ATP6V1A: variants seen among roughly 807,000 people sequenced by gnomAD.
ATP6V1A encodes the protein V-type proton ATPase catalytic subunit A.
ATP6V1A carries 18 observed loss-of-function variants against 70.1 expected under a neutral mutation model. The ratio of observed to expected loss-of-function variants is 0.26; its 90% CI spans 0.18 to 0.38. The LOEUF is 0.38. Among genes scored for constraint, ATP6V1A ranks in the 10% least tolerant of loss-of-function variants. ATP6V1A has a pLI of 1.00. For synonymous variants in ATP6V1A, 232 were observed against 253.8 expected (o/e 0.91, Z 0.82); for missense variants, 424 against 772.4 (o/e 0.55, Z 5.35).
At chr3:113,784,945 A>C (rs1709021405) in intron 5 of ATP6V1A, 112 bp downstream of exon 5, 1 of 1,157,444 alleles carries the variant, frequency 8.6e-7, no homozygotes, top group Non-Finnish European at 1.2e-6. Context: ...ATAAGTTTTG[A>C]GTAACTCCTA....
intron 1 of ATP6V1A, among the ~76,000 whole-genome samples, chr3:113,766,029 ATCT>A (rs1303650199): frequency 6.6e-6 from 1 of 151,934 alleles, no homozygotes; most frequent in Non-Finnish European, 1.5e-5. Context: ...CCTTTTTTTC[ATCT>A]TCTCCCTTGT....
Position 113,810,433 on chromosome 3 carries a change from G to A in ATP6V1A, c.*1006G>A, listed in dbSNP as rs927663492. 3.9e-5 allele frequency: 6 copies of A among 151,936 alleles called. No individual in the cohort carries two copies. The highest frequency in any genetic ancestry group is 1.2e-4 in the African/African-American group (5 of 41,336). 9.4% of individuals were successfully genotyped at this position (151,936 alleles called of 1,614,324 possible). A position where few individuals can be genotyped will look rare whatever the true frequency, so the allele number is the denominator to read the frequency against. ...AAAAAAGAGAAAAAAAAAATCAGGC[G>A]GTCAAACTTAGAGCAACATTGTCTT... On this transcript the variant is annotated 3_prime_UTR_variant, in exon 15 of 15. Coordinates refer to ENST00000273398, the MANE Select transcript of ATP6V1A (RefSeq NM_001690.4).
At chr3:113,803,731 TGAA>T in intron 13 of ATP6V1A, 54 bp downstream of exon 13, 1 of 1,419,210 alleles carries the variant, frequency 7.0e-7, no homozygotes, top group South Asian at 1.2e-5. Flanking sequence ...TGTGTTTTGG[TGAA>T]GGAGTACACA....
intron 1 of ATP6V1A, among the ~76,000 whole-genome samples, chr3:113,770,499 G>A (rs1010678566): frequency 4.6e-5 from 7 of 151,920 alleles, no homozygotes; most frequent in South Asian, 2.1e-4. Context: ...TCAACTTGGC[G>A]AAATCCCGTC....
At position 113,758,144 on chromosome 3, in the gene ATP6V1A, A is replaced by G. The variant is rs141403549; in HGVS notation, c.-14+11031A>G. On this transcript the variant is annotated intron_variant, in intron 1 of 14. Coordinates refer to ENST00000273398, the MANE Select transcript of ATP6V1A (RefSeq NM_001690.4). ...TGGCGATAGAGTGAGACTCTGTCTCAAAAAAAGAAAAGAAAAGAAATACTC... is the reference window on the plus strand; with the variant it reads ...TGGCGATAGAGTGAGACTCTGTCTCGAAAAAAGAAAAGAAAAGAAATACTC... Among the ~76,000 whole-genome samples, 892 of 152,308 alleles carry G rather than the reference A, an allele frequency of 5.9e-3. 13 individuals are homozygous for G. Among genetic ancestry groups the G allele is most frequent in the African/African-American group, 0.02 (851 of 41,564 alleles).
intron 1 of ATP6V1A, among the ~76,000 whole-genome samples, chr3:113,753,057 C>T (rs1031802230): frequency 7.1e-4 from 107 of 151,650 alleles, no homozygotes; most frequent in African/African-American, 2.5e-3. Context: ...CAAAATCAGG[C>T]GGAAAAAAAG....
At chr3:113,806,465 CT>C (rs113678275) in intron 14 of ATP6V1A, among the ~76,000 whole-genome samples, 137 of 145,558 alleles carry the variant, frequency 9.4e-4, no homozygotes, top group Middle Eastern at 3.6e-3. Flanking sequence ...CATTTTTTAA[CT>C]TTTTTTTTTT....
At chr3:113,775,508 G>A (rs1708900835) in intron 1 of ATP6V1A, among the ~76,000 whole-genome samples, 1 of 152,178 alleles carries the variant, frequency 6.6e-6, no homozygotes, top group African/African-American at 2.4e-5. Flanking sequence ...GGAATTATGG[G>A]CATGAGCCAC....
chr3:113,780,892 A>T, intron 2 of ATP6V1A, 158 bp from the exon 3 acceptor site: 4 of 1,277,846 alleles, frequency 3.1e-6, no homozygotes, highest in Non-Finnish European at 4.2e-6. Flanking sequence ...ATATATATCT[A>T]TGTGAAACTA....
intron 2 of ATP6V1A, among the ~76,000 whole-genome samples, chr3:113,780,019 C>T (rs995754328): frequency 3.3e-5 from 5 of 152,120 alleles, no homozygotes; most frequent in African/African-American, 7.2e-5. Context: ...CTCTCCCTCC[C>T]CTTGCCTCCT....
At chr3:113,751,043 T>A (rs1049287717) in intron 1 of ATP6V1A, among the ~76,000 whole-genome samples, 2 of 152,198 alleles carry the variant, frequency 1.3e-5, no homozygotes, top group African/African-American at 4.8e-5. Flanking sequence ...TAATCATTAA[T>A]GTATGGAATA....
intron 8 of ATP6V1A, 39 bp downstream of exon 8, chr3:113,789,879 TCTTAAGTGTAAAGCTA>T: frequency 6.7e-7 from 1 of 1,484,816 alleles, no homozygotes; most frequent in East Asian, 2.3e-5. Flanking sequence ...TAACATCTGT[TCTTAAGTGTAAAGCTA>T]GCACCAAACT....
At chr3:113,766,981 A>T (rs1421826682) in intron 1 of ATP6V1A, among the ~76,000 whole-genome samples, 1 of 151,886 alleles carries the variant, frequency 6.6e-6, no homozygotes, top group Non-Finnish European at 1.5e-5. Context: ...ATCAAATAAT[A>T]CCTATTTCAT....
intron 6 of ATP6V1A, among the ~76,000 whole-genome samples, chr3:113,787,492 TTA>T: frequency 6.6e-6 from 1 of 152,318 alleles, no homozygotes; most frequent in South Asian, 2.1e-4. Context: ...TATTTTTGGC[TTA>T]AGCCTCTCTG....
chr3:113,795,330 G>A, intron 10 of ATP6V1A, 126 bp downstream of exon 10: 1 of 1,031,166 alleles, frequency 9.7e-7, no homozygotes, highest in South Asian at 1.7e-5. Context: ...TTCTTAAGGA[G>A]GGTTGCACTC....
chr3:113,797,417 C>T (rs768185949), intron 11 of ATP6V1A, among the ~76,000 whole-genome samples: 44 of 150,326 alleles, frequency 2.9e-4, no homozygotes, highest in Non-Finnish European at 5.2e-4. Flanking sequence ...CCACCACGCC[C>T]GGATAATTTT....
At chr3:113,752,340 A>G (rs1385332714) in intron 1 of ATP6V1A, among the ~76,000 whole-genome samples, 1 of 151,942 alleles carries the variant, frequency 6.6e-6, no homozygotes, top group Non-Finnish European at 1.5e-5. Flanking sequence ...AATTGAAAAA[A>G]GAGCATATGT....
At chr3:113,756,957 G>C (rs148745925) in intron 1 of ATP6V1A, among the ~76,000 whole-genome samples, 1 of 152,352 alleles carries the variant, frequency 6.6e-6, no homozygotes, top group African/African-American at 2.4e-5. Context: ...AATGCAAAAT[G>C]AGGTAGCGAG....
At chr3:113,771,927 C>G (rs1249318635) in intron 1 of ATP6V1A, among the ~76,000 whole-genome samples, 1 of 152,062 alleles carries the variant, frequency 6.6e-6, no homozygotes, top group Admixed American at 6.6e-5. Context: ...GCTATAGCAT[C>G]CTGTTTCTGG....
Sources: allele counts gnomAD v4.1 joint callset (sites outside exome capture counted in the v4.1 genomes callset), GRCh38; gene constraint gnomAD v4.1.1; transcripts MANE v1.5; gene names NCBI Gene and HGNC (gene_info 2026-07-23, HGNC 2026-07-21).